The following MRC1 variants were observed in gnomAD, a reference collection of about 807,000 sequenced individuals.
MRC1 encodes mannose receptor C-type 1, also known as macrophage mannose receptor 1.
Under a neutral mutation model 102.9 loss-of-function variants are expected in MRC1, and 62 were observed. The observed-to-expected ratio is 0.60, with a 90% CI of 0.49 to 0.74. The LOEUF (loss-of-function observed/expected upper bound fraction) is 0.74, where lower values mean the gene tolerates loss of function less well. Ranked by LOEUF, MRC1 falls within the 30% of genes least tolerant of loss-of-function variation. The pLI is 0.00. For synonymous variants in MRC1, 457 were observed against 298.4 expected, an observed-to-expected ratio of 1.53 and a Z score of -5.48; for missense variants, 1,237 against 862.8, an observed-to-expected ratio of 1.43 and a Z score of -5.43.
chr10:17,869,503 AATG>A (rs1314324306), intron 12 of MRC1, among the ~76,000 whole-genome samples: 6 of 152,112 alleles, frequency 3.9e-5, no homozygotes, highest in African/African-American at 1.4e-4. Flanking sequence ...TAGAAAAGTC[AATG>A]GCCACGATTA....
chr10:17,818,014 G>T (rs1034280685), intron 1 of MRC1, among the ~76,000 whole-genome samples: 57 of 152,264 alleles, frequency 3.7e-4, no homozygotes, highest in Admixed American at 9.2e-4. Flanking sequence ...TCCTTGTATT[G>T]TCTGGCAAAG....
At chr10:17,860,972 C>G (rs1337301309) in intron 9 of MRC1, among the ~76,000 whole-genome samples, 7 of 152,132 alleles carry the variant, frequency 4.6e-5, no homozygotes, top group African/African-American at 7.2e-5. Flanking sequence ...TTAGACATTC[C>G]TATTGTTTAT....
intron 6 of MRC1, among the ~76,000 whole-genome samples, chr10:17,847,737 A>C (rs1011363543): frequency 6.6e-6 from 1 of 152,230 alleles, no homozygotes; most frequent in Non-Finnish European, 1.5e-5. Context: ...TGGCTGCCCC[A>C]GGGAACTCCC....
At chr10:17,899,327 C>T (rs1833798153) in intron 24 of MRC1, among the ~76,000 whole-genome samples, 1 of 152,138 alleles carries the variant, frequency 6.6e-6, no homozygotes, top group Admixed American at 6.5e-5. Context: ...ATAATTAAGT[C>T]ATTTGATAAG....
chr10:17,865,266 C>A (rs1833248492), intron 11 of MRC1: 1 of 152,124 alleles, frequency 6.6e-6, no homozygotes, highest in Non-Finnish European at 1.5e-5. Context: ...AGATCAGTAA[C>A]CTAAATAGTG....
chr10:17,881,053 CT>C lies in MRC1; in HGVS notation c.2866-13del, dbSNP rs1187244383. On this transcript the variant is annotated splice_polypyrimidine_tract_variant and intron_variant, in intron 20 of 29. Transcript: ENST00000569591. ...GCAGTTTTTCTTTTTTTCTCTGCCC[CT>C]CTTCCATCCCAGTGTTTCAAAATCT... 6 of 780,300 alleles carry C rather than the reference CT, an allele frequency of 7.7e-6. No homozygotes were observed. The African/African-American group carries it at 1.0e-4, about 13-fold the overall frequency. 48.3% of individuals were successfully genotyped at this position (780,300 alleles called of 1,614,324 possible). A position where few individuals can be genotyped will look rare whatever the true frequency, so the allele number is the denominator to read the frequency against.
intron 26 of MRC1, 118 bp from the exon 27 acceptor site, chr10:17,906,768 C>T: frequency 1.3e-6 from 1 of 755,418 alleles, no homozygotes; most frequent in Non-Finnish European, 2.5e-6. Context: ...TGAAATTCTT[C>T]CCCTTAAGTG....
At chr10:17,861,320 T>C (rs1833181417) in intron 9 of MRC1, 67 bp from the exon 10 acceptor site, 2 of 717,050 alleles carry the variant, frequency 2.8e-6, no homozygotes, top group Non-Finnish European at 4.9e-6. Flanking sequence ...TCTCAAATAA[T>C]AATAATATTT....
intron 21 of MRC1, among the ~76,000 whole-genome samples, chr10:17,884,533 C>G (rs1833563290): frequency 6.6e-6 from 1 of 152,194 alleles, no homozygotes; most frequent in Admixed American, 6.5e-5. Context: ...GGGGAGGCCT[C>G]AGGAAGTTTA....
chr10:17,814,133 C>T (rs1371291243), intron 1 of MRC1, among the ~76,000 whole-genome samples: 1 of 152,082 alleles, frequency 6.6e-6, no homozygotes, highest in African/African-American at 2.4e-5. Flanking sequence ...TGCACCTTTC[C>T]CTATGTGAGA....
intron 17 of MRC1, among the ~76,000 whole-genome samples, chr10:17,875,832 AATCTCC>A (rs1833429053): frequency 6.6e-6 from 1 of 152,188 alleles, no homozygotes; most frequent in African/African-American, 2.4e-5. Context: ...TTCTTCAAGG[AATCTCC>A]ATACTGTTTT....
intron 2 of MRC1, among the ~76,000 whole-genome samples, chr10:17,825,937 G>A (rs1554838623): frequency 6.6e-6 from 1 of 152,080 alleles, no homozygotes; most frequent in Non-Finnish European, 1.5e-5. Context: ...TATATGATTT[G>A]GAGACCATTC....
intron 22 of MRC1, among the ~76,000 whole-genome samples, chr10:17,886,265 A>T (rs1353498791): frequency 1.3e-5 from 2 of 151,848 alleles, no homozygotes; most frequent in African/African-American, 2.4e-5. Flanking sequence ...TATAAAAAAG[A>T]ATCAACTATG....
chr10:17,903,881 A>G (rs1436326168), intron 26 of MRC1, among the ~76,000 whole-genome samples: 1 of 152,030 alleles, frequency 6.6e-6, no homozygotes, highest in Non-Finnish European at 1.5e-5. Context: ...ACTTGAACCC[A>G]GGAGGTGGAG....
At chr10:17,870,114 A>T in intron 12 of MRC1, 132 bp from the exon 13 acceptor site, 2 of 670,272 alleles carry the variant, frequency 3.0e-6, no homozygotes, top group South Asian at 1.8e-5. Context: ...AAGCAAAAGA[A>T]TTACATTGTT....
chr10:17,851,538 C>T (rs1838916896), intron 7 of MRC1, among the ~76,000 whole-genome samples: 1 of 152,164 alleles, frequency 6.6e-6, no homozygotes, highest in Non-Finnish European at 1.5e-5. Flanking sequence ...TTTACACTCA[C>T]ATCTTATATA....
chr10:17,892,737 C>T (rs1356524429), intron 22 of MRC1, among the ~76,000 whole-genome samples: 3 of 152,062 alleles, frequency 2.0e-5, no homozygotes, highest in East Asian at 1.9e-4. Context: ...ACTGGCCAGG[C>T]GTGGTGGCTC....
chr10:17,853,570 GTA>G (rs1377964027), intron 8 of MRC1, among the ~76,000 whole-genome samples: 144 of 124,532 alleles, frequency 1.2e-3, no homozygotes, highest in East Asian at 2.1e-3. Flanking sequence ...AGATATATAT[GTA>G]TGTGTGTGTG....
intron 26 of MRC1, among the ~76,000 whole-genome samples, chr10:17,906,615 T>C (rs1833899405): frequency 6.6e-6 from 1 of 152,230 alleles, no homozygotes; most frequent in Admixed American, 6.5e-5. Context: ...CCATAACTTT[T>C]GGAAGACATA....
Sources: allele counts gnomAD v4.1 joint callset (sites outside exome capture counted in the v4.1 genomes callset), GRCh38; gene constraint gnomAD v4.1.1; transcripts MANE v1.5; gene names NCBI Gene and HGNC (gene_info 2026-07-23, HGNC 2026-07-21).